Variants in CNTNAP5 observed in about 807,000 individuals in gnomAD.
CNTNAP5 encodes the protein contactin-associated protein-like 5.
In CNTNAP5, 72 loss-of-function variants were observed where a neutral mutation model predicts 150.2. The observed-to-expected ratio is 0.48, with a 90% CI of 0.40 to 0.58. The LOEUF (loss-of-function observed/expected upper bound fraction) is 0.58, where lower values mean the gene tolerates loss of function less well. Among genes scored for constraint, CNTNAP5 ranks in the 20% least tolerant of loss-of-function variants. CNTNAP5 has a pLI of 0.00. For synonymous variants in CNTNAP5, 672 were observed against 619.8 expected (o/e 1.08, Z -1.25); for missense variants, 1,636 against 1,626.2 (o/e 1.01, Z -0.10).
rs140880935 is a variant in CNTNAP5, at chr2:124,273,017, C to T, written c.381+30624C>T. On this transcript the variant is annotated intron_variant, in intron 3 of 23. Coordinates refer to ENST00000682447, the MANE Select transcript of CNTNAP5 (RefSeq NM_001367498.1). ...GGATAGTGCTAAAATATAGAAGGCA[C>T]GGTGACGGACTTGATTCTGATACTC... Among the ~76,000 whole-genome samples the T allele has an allele frequency of 4.7e-3, 723 of 152,222 alleles. 4 individuals are homozygous for T. The highest frequency in any genetic ancestry group is 0.017 in the African/African-American group (686 of 41,542).
intron 21 of CNTNAP5, among the ~76,000 whole-genome samples, chr2:124,887,621 T>C (rs1678107737): frequency 6.6e-6 from 1 of 152,126 alleles, no homozygotes. Context: ...TTAGGTGCCA[T>C]ATGGAGGCAA....
intron 13 of CNTNAP5, among the ~76,000 whole-genome samples, chr2:124,674,411 C>G (rs1281364322): frequency 1.6e-5 from 2 of 124,836 alleles, no homozygotes; most frequent in African/African-American, 6.0e-5. Context: ...TTCCTTCCTT[C>G]CCTCCCTCCC....
At chr2:124,577,736 A>G (rs1345138176) in intron 11 of CNTNAP5, among the ~76,000 whole-genome samples, 1 of 152,180 alleles carries the variant, frequency 6.6e-6, no homozygotes, top group African/African-American at 2.4e-5. Context: ...TGAGCCGTAA[A>G]GGGAAGGGAT....
intron 1 of CNTNAP5, among the ~76,000 whole-genome samples, chr2:124,208,309 C>T (rs931704973): frequency 1.4e-4 from 22 of 152,180 alleles, no homozygotes; most frequent in African/African-American, 5.1e-4. Flanking sequence ...TGGCACACCA[C>T]ACTTTGGTCC....
At chr2:124,889,717 A>C (rs1678154610) in intron 21 of CNTNAP5, among the ~76,000 whole-genome samples, 2 of 152,152 alleles carry the variant, frequency 1.3e-5, no homozygotes. Flanking sequence ...TAATGCCAAT[A>C]ATTGCTATGA....
At chr2:124,304,132 G>A (rs1688625275) in intron 3 of CNTNAP5, among the ~76,000 whole-genome samples, 1 of 152,138 alleles carries the variant, frequency 6.6e-6, no homozygotes, top group African/African-American at 2.4e-5. Flanking sequence ...GGCTCTAACT[G>A]TATATATTGT....
intron 20 of CNTNAP5, among the ~76,000 whole-genome samples, chr2:124,866,500 T>C (rs1034935823): frequency 1.3e-5 from 2 of 152,144 alleles, no homozygotes; most frequent in Non-Finnish European, 1.5e-5. Context: ...TGATCCCACC[T>C]GGGCATCAGT....
At chr2:124,567,835 TGATAGATAGATAGATA>T (rs10685444) in intron 11 of CNTNAP5, among the ~76,000 whole-genome samples, 46 of 132,904 alleles carry the variant, frequency 3.5e-4, no homozygotes, top group South Asian at 1.3e-3. Context: ...AGGGCATAGA[TGATAGATAGATAGATA>T]GATAGATAGA....
intron 1 of CNTNAP5, among the ~76,000 whole-genome samples, chr2:124,219,984 T>C (rs1456968065): frequency 6.6e-6 from 1 of 152,120 alleles, no homozygotes; most frequent in Non-Finnish European, 1.5e-5. Flanking sequence ...TCAACATTTG[T>C]ATTTGGGAAA....
chr2:124,334,271 A>T (rs11123036), intron 3 of CNTNAP5, among the ~76,000 whole-genome samples: 18,928 of 152,190 alleles, frequency 0.12, 1,275 homozygotes, highest in Non-Finnish European at 0.14. Flanking sequence ...TGGAGGAGGT[A>T]GAAGCTTTAA....
At chr2:124,241,572 A>T (rs570896144) in intron 2 of CNTNAP5, among the ~76,000 whole-genome samples, 114 of 152,240 alleles carry the variant, frequency 7.5e-4, no homozygotes, top group Non-Finnish European at 1.3e-3. Flanking sequence ...TTCACATCAC[A>T]TGTTTTTGTC....
intron 13 of CNTNAP5, among the ~76,000 whole-genome samples, chr2:124,660,868 C>T (rs928574369): frequency 2.7e-5 from 4 of 149,838 alleles, no homozygotes; most frequent in African/African-American, 9.9e-5. Context: ...CACTTGAACC[C>T]GGAAGGCAGA....
rs1401229747 is a variant in CNTNAP5 at position 124,587,788 on chromosome 2, G to A, written c.1757-22013G>A. 2.6e-5 allele frequency among the ~76,000 whole-genome samples: 4 copies of A among 151,946 alleles called. No homozygotes were observed. The South Asian group carries it at 6.2e-4, about 24-fold the overall frequency. ...TGGTAAGATGATAAAATCACTAGTC[G>A]GAGCAGAATTATTGAATAAGTGAGT... is the stretch of plus-strand genomic sequence containing the variant. On this transcript the variant is annotated intron_variant, in intron 11 of 23. Coordinates refer to ENST00000682447, the MANE Select transcript of CNTNAP5 (RefSeq NM_001367498.1).
In CNTNAP5 at chr2:124,133,310, C is replaced by CA. The variant is rs763762947; in HGVS notation, c.83-88386dup. ...CCTTTGGTCCTTAAAAAAAACAAAACAAAAAAAAAGGTCTATGAGAGTCCC... is the reference window on the plus strand; with the variant it reads ...CCTTTGGTCCTTAAAAAAAACAAAACAAAAAAAAAAGGTCTATGAGAGTCCC... On this transcript the variant is annotated intron_variant, in intron 1 of 23. Transcript: ENST00000682447. 3.6e-3 allele frequency among the ~76,000 whole-genome samples: 545 copies of CA among 150,696 alleles called. 1 individual carries two copies. Among genetic ancestry groups the CA allele is most frequent in the Middle Eastern group, 0.014 (4 of 292 alleles).
At chr2:124,671,956 A>C (rs1166955934) in intron 13 of CNTNAP5, among the ~76,000 whole-genome samples, 1 of 152,178 alleles carries the variant, frequency 6.6e-6, no homozygotes, top group Non-Finnish European at 1.5e-5. Context: ...CTTTTAAAGA[A>C]AGCCCAAAGG....
chr2:124,166,297 T>A (rs543782987), intron 1 of CNTNAP5, among the ~76,000 whole-genome samples: 1 of 152,150 alleles, frequency 6.6e-6, no homozygotes, highest in Admixed American at 6.5e-5. Flanking sequence ...TAAAGCATCA[T>A]GTGGGAGATT....
intron 12 of CNTNAP5, among the ~76,000 whole-genome samples, chr2:124,640,124 A>G (rs1479882401): frequency 6.6e-6 from 1 of 152,134 alleles, no homozygotes; most frequent in Non-Finnish European, 1.5e-5. Context: ...ATTAAATAAT[A>G]ATAATAAACT....
chr2:124,262,394 C>T (rs564521788), intron 3 of CNTNAP5, among the ~76,000 whole-genome samples: 1 of 152,334 alleles, frequency 6.6e-6, no homozygotes, highest in East Asian at 1.9e-4. Flanking sequence ...GCTAATACCT[C>T]AAATTAGATT....
chr2:124,217,046 T>C (rs145015686), intron 1 of CNTNAP5, among the ~76,000 whole-genome samples: 4 of 152,236 alleles, frequency 2.6e-5, no homozygotes, highest in African/African-American at 9.6e-5. Flanking sequence ...GCTATAACTC[T>C]TTTGGAGAAA....
Sources: allele counts gnomAD v4.1 joint callset (sites outside exome capture counted in the v4.1 genomes callset), GRCh38; gene constraint gnomAD v4.1.1; transcripts MANE v1.5; gene names NCBI Gene and HGNC (gene_info 2026-07-23, HGNC 2026-07-21).